Variants in GARIN2 observed in about 807,000 individuals in gnomAD.
GARIN2 encodes the protein golgi associated RAB2 interactor family member 2.
At chr14:67,202,085 T>C in the GARIN2 span, among the ~76,000 whole-genome samples, 1 of 152,210 alleles carries the variant, frequency 6.6e-6, no homozygotes, top group South Asian at 2.1e-4. Flanking sequence ...GTGCCAGAAC[T>C]GGTCGATTGG....
At chr14:67,212,218 C>T in the GARIN2 span, among the ~76,000 whole-genome samples, 2 of 152,024 alleles carry the variant, frequency 1.3e-5, no homozygotes, top group Non-Finnish European at 2.9e-5. Context: ...ATTAGTTGCT[C>T]AGTAAATGAT....
chr14:67,198,045 T>G, the GARIN2 span: 2 of 1,273,798 alleles, frequency 1.6e-6, no homozygotes, highest in Non-Finnish European at 2.2e-6. Flanking sequence ...CAGATATTGA[T>G]AAAATTTGCT....
the GARIN2 span, chr14:67,225,265 G>A: frequency 1.3e-6 from 2 of 1,496,184 alleles, no homozygotes; most frequent in African/African-American, 1.4e-5. Context: ...ACAAACTAAA[G>A]GTAACTTTTT....
At chr14:67,205,926 G>A in the GARIN2 span, among the ~76,000 whole-genome samples, 2 of 152,340 alleles carry the variant, frequency 1.3e-5, no homozygotes, top group Non-Finnish European at 2.9e-5. Context: ...GCTCACATCT[G>A]TAATCCCGGC....
At chr14:67,203,624 T>C in the GARIN2 span, among the ~76,000 whole-genome samples, 128 of 152,296 alleles carry the variant, frequency 8.4e-4, 1 homozygote, top group Non-Finnish European at 1.5e-3. Context: ...ACTAACTTGG[T>C]CTATGATCAT....
chr14:67,202,320 A>G, the GARIN2 span, among the ~76,000 whole-genome samples: 1 of 152,162 alleles, frequency 6.6e-6, no homozygotes, highest in South Asian at 2.1e-4. Flanking sequence ...ATGTGCCTGT[A>G]ATCCCAGCTA....
the GARIN2 span, among the ~76,000 whole-genome samples, chr14:67,193,550 T>G: frequency 6.2e-5 from 9 of 144,462 alleles, no homozygotes; most frequent in East Asian, 6.1e-4. Flanking sequence ...TATATATCTA[T>G]ATATAGATCT....
chr14:67,215,122 T>G, the GARIN2 span, among the ~76,000 whole-genome samples: 1 of 152,178 alleles, frequency 6.6e-6, no homozygotes, highest in Admixed American at 6.5e-5. Flanking sequence ...GAGAACCATT[T>G]CCTTAGGAGA....
chr14:67,199,870 G>A, the GARIN2 span: 30 of 1,490,848 alleles, frequency 2.0e-5, no homozygotes, highest in Non-Finnish European at 2.4e-5. Flanking sequence ...TCCTGGGGCT[G>A]CAGGACATGG....
the GARIN2 span, among the ~76,000 whole-genome samples, chr14:67,225,954 TGTGTGTGTGC>T: frequency 2.8e-3 from 393 of 138,080 alleles, no homozygotes; most frequent in East Asian, 0.012. Context: ...TGTGTGTGTG[TGTGTGTGTGC>T]GCGCGCGCGC....
the GARIN2 span, chr14:67,198,232 A>G: frequency 1.9e-6 from 3 of 1,613,952 alleles, no homozygotes; most frequent in Non-Finnish European, 2.5e-6. Flanking sequence ...CCACACTCCC[A>G]TGATCCGAGA....
At chr14:67,198,843 A>G in the GARIN2 span, 1 of 593,238 alleles carries the variant, frequency 1.7e-6, no homozygotes. Flanking sequence ...CAACATTAAA[A>G]TATTCAGACA....
the GARIN2 span, among the ~76,000 whole-genome samples, chr14:67,222,999 C>CT: frequency 0.22 from 27,604 of 124,676 alleles, 5,261 homozygotes; most frequent in African/African-American, 0.48. Context: ...TCCCATTGGG[C>CT]TTTTTTTTTT....
the GARIN2 span, among the ~76,000 whole-genome samples, chr14:67,189,929 C>T: frequency 6.7e-6 from 1 of 149,746 alleles, no homozygotes; most frequent in East Asian, 2.0e-4. Context: ...CAACCTCTGC[C>T]TCCTGGGTTC....
the GARIN2 span, among the ~76,000 whole-genome samples, chr14:67,193,958 A>AAAAAAACAAAAAAG: frequency 1.9e-3 from 287 of 149,808 alleles, 10 homozygotes; most frequent in East Asian, 0.014. Flanking sequence ...AAAAAACAAA[A>AAAAAAACAAAAAAG]AAAAAACGAA....
At chr14:67,193,104 CT>C in the GARIN2 span, among the ~76,000 whole-genome samples, 9 of 142,800 alleles carry the variant, frequency 6.3e-5, no homozygotes, top group African/African-American at 2.3e-4. Flanking sequence ...CTATATATCT[CT>C]ATATAGATAT....
At chr14:67,193,979 A>G in the GARIN2 span, among the ~76,000 whole-genome samples, 1 of 140,168 alleles carries the variant, frequency 7.1e-6, no homozygotes, top group Non-Finnish European at 1.5e-5. Flanking sequence ...AAACAAAAAA[A>G]AAAACAGAAA....
At chr14:67,212,614 TGTA>T in the GARIN2 span, among the ~76,000 whole-genome samples, 1 of 145,196 alleles carries the variant, frequency 6.9e-6, no homozygotes, top group Non-Finnish European at 1.5e-5. Context: ...TATATATATA[TGTA>T]ATATATATTA....
the GARIN2 span, chr14:67,223,828 C>T: frequency 2.0e-6 from 2 of 985,782 alleles, no homozygotes; most frequent in Non-Finnish European, 2.4e-6. Flanking sequence ...ATCACCTGTT[C>T]CCCTTCCATA....
Sources: gnomAD v4.1 joint callset for allele counts (sites outside exome capture counted in the v4.1 genomes callset) on GRCh38, gnomAD v4.1.1 for gene constraint, MANE v1.5 for transcripts, NCBI Gene and HGNC (gene_info 2026-07-23, HGNC 2026-07-21) for gene names.